The following VSTM4 variants were observed in gnomAD, a reference collection of about 807,000 sequenced individuals.
VSTM4 encodes the protein V-set and transmembrane domain containing 4.
A neutral mutation model predicts 36.4 loss-of-function variants in VSTM4; 20 were observed. The ratio of observed to expected loss-of-function variants is 0.55; its 90% CI spans 0.39 to 0.80. The LOEUF (loss-of-function observed/expected upper bound fraction) is 0.80, where lower values mean the gene tolerates loss of function less well. Ranked by LOEUF, VSTM4 falls within the 30% of genes least tolerant of loss-of-function variation. The pLI, the probability that VSTM4 is intolerant of heterozygous loss-of-function variation, is 0.00. For missense variants in VSTM4, 392 were observed against 404.5 expected, an observed-to-expected ratio of 0.97 and a Z score of 0.26; for synonymous variants, 182 against 173.9, an observed-to-expected ratio of 1.05 and a Z score of -0.37.
At chr10:49,073,210 C>T (rs1844114052) in intron 4 of VSTM4, among the ~76,000 whole-genome samples, 1 of 152,212 alleles carries the variant, frequency 6.6e-6, no homozygotes. Flanking sequence ...TGCCAATCTG[C>T]TTCTGGAACA....
intron 2 of VSTM4, among the ~76,000 whole-genome samples, chr10:49,093,716 G>A (rs1029106913): frequency 6.7e-6 from 1 of 149,520 alleles, no homozygotes; most frequent in Non-Finnish European, 1.5e-5. Context: ...AATCCTTCTT[G>A]GCCCATAGTT....
chr10:49,035,687 A>AAAAAAAGTT (rs1554829905), intron 7 of VSTM4, among the ~76,000 whole-genome samples: 18 of 150,902 alleles, frequency 1.2e-4, no homozygotes, highest in African/African-American at 4.2e-4. Flanking sequence ...AAAAAAAAAA[A>AAAAAAAGTT]AAAAGTTAGA....
chr10:49,037,994 C>T (rs971626718), intron 7 of VSTM4, among the ~76,000 whole-genome samples: 3 of 151,894 alleles, frequency 2.0e-5, no homozygotes, highest in Admixed American at 6.6e-5. Context: ...AATTGAAACC[C>T]TGTGTGCTCT....
At chr10:49,052,530 C>T (rs564970109) in intron 5 of VSTM4, among the ~76,000 whole-genome samples, 133 of 127,060 alleles carry the variant, frequency 1.0e-3, no homozygotes, top group Non-Finnish European at 1.9e-3. Flanking sequence ...GCAACTTTTA[C>T]ACCATTTGGA....
intron 7 of VSTM4, among the ~76,000 whole-genome samples, chr10:49,025,584 A>G (rs1843248390): frequency 6.6e-6 from 1 of 152,222 alleles, no homozygotes. Context: ...GGTTGCTGGC[A>G]GCCCACACAA....
chr10:49,075,737 A>G (rs771771428), intron 4 of VSTM4, among the ~76,000 whole-genome samples: 10 of 152,226 alleles, frequency 6.6e-5, no homozygotes, highest in Non-Finnish European at 1.2e-4. Context: ...ATTGTGGAGC[A>G]TGCTGGAGTT....
chr10:49,058,086 T>A (rs1359334063), intron 5 of VSTM4, among the ~76,000 whole-genome samples: 1 of 152,186 alleles, frequency 6.6e-6, no homozygotes, highest in Non-Finnish European at 1.5e-5. Flanking sequence ...GGGGCTGCAA[T>A]GTCTCTGCAG....
At chr10:49,088,943 T>G (rs1050490348) in intron 2 of VSTM4, among the ~76,000 whole-genome samples, 1 of 152,132 alleles carries the variant, frequency 6.6e-6, no homozygotes, top group Non-Finnish European at 1.5e-5. Context: ...ACCCGGGAGC[T>G]CCTCAGAAAT....
At chr10:49,078,580 G>C (rs149421186) in intron 3 of VSTM4, among the ~76,000 whole-genome samples, 108 of 151,332 alleles carry the variant, frequency 7.1e-4, no homozygotes, top group African/African-American at 2.5e-3. Context: ...CTTCATCAAT[G>C]TAACATTCTT....
At chr10:49,079,737 A>G (rs1406113138) in intron 3 of VSTM4, among the ~76,000 whole-genome samples, 2 of 152,198 alleles carry the variant, frequency 1.3e-5, no homozygotes, top group Non-Finnish European at 1.5e-5. Flanking sequence ...GGAGGCTGAG[A>G]GAAGCTTCCA....
At chr10:49,093,775 T>C (rs987085799) in intron 2 of VSTM4, among the ~76,000 whole-genome samples, 1 of 134,840 alleles carries the variant, frequency 7.4e-6, no homozygotes. Context: ...TGAGATGGAG[T>C]CTTGCTTCGT....
intron 3 of VSTM4, 47 bp downstream of exon 3, chr10:49,085,908 A>G (rs749744106): frequency 6.4e-6 from 8 of 1,259,644 alleles, no homozygotes; most frequent in South Asian, 1.4e-5. Flanking sequence ...AAAGAAAAAG[A>G]AAAAGCAACT....
rs1038591794 is a variant in VSTM4, at chr10:49,064,558, G to T, written c.668+145C>A. 11 of 904,226 alleles carry T rather than the reference G, an allele frequency of 1.2e-5. No individual in the cohort carries two copies. The Admixed American group carries it at 2.8e-4, about 23-fold the overall frequency. The allele number at this position is 904,226 out of a possible 1,614,324, so 56.0% of individuals were successfully genotyped here. On this transcript the variant is annotated intron_variant, in intron 5 of 7. Transcript: ENST00000332853. The stretch of plus-strand genomic sequence containing the variant: ...AGACCTTGGAAACATGCAAATGCAT[G>T]CAGGATACACATTTGCAGGCATATT...
intron 2 of VSTM4, among the ~76,000 whole-genome samples, chr10:49,100,960 A>G (rs1844655057): frequency 6.6e-6 from 1 of 152,122 alleles, no homozygotes; most frequent in South Asian, 2.1e-4. Flanking sequence ...TGTAGGGATA[A>G]CATTTTAGCC....
At chr10:49,071,730 TGCAGGTGCTGGAGA>T (rs1477725893) in intron 4 of VSTM4, among the ~76,000 whole-genome samples, 2 of 152,218 alleles carry the variant, frequency 1.3e-5, no homozygotes, top group Non-Finnish European at 1.5e-5. Flanking sequence ...CAGATGTTGC[TGCAGGTGCTGGAGA>T]GCAGGTGCCG....
At chr10:49,114,343 C>T (rs1303553556) in intron 1 of VSTM4, among the ~76,000 whole-genome samples, 1 of 152,202 alleles carries the variant, frequency 6.6e-6, no homozygotes, top group Non-Finnish European at 1.5e-5. Context: ...CCAGATCACT[C>T]TTGGAAAATG....
chr10:49,085,896 A>G (rs1844361313), intron 3 of VSTM4, 59 bp downstream of exon 3: 1 of 1,133,344 alleles, frequency 8.8e-7, no homozygotes, highest in South Asian at 1.5e-5. Flanking sequence ...TAATTTAAAA[A>G]AAAAGAAAAA....
intron 3 of VSTM4, among the ~76,000 whole-genome samples, chr10:49,078,654 G>A (rs1383691828): frequency 1.3e-5 from 2 of 152,196 alleles, no homozygotes; most frequent in Non-Finnish European, 2.9e-5. Context: ...GAAGGGGGTG[G>A]TGGTGAGAAG....
At chr10:49,110,799 C>A (rs1844879613) in intron 1 of VSTM4, among the ~76,000 whole-genome samples, 3 of 152,136 alleles carry the variant, frequency 2.0e-5, no homozygotes, top group South Asian at 4.1e-4. Flanking sequence ...CCTGCCAGCA[C>A]CTTGATTGGA....
Sources: allele counts gnomAD v4.1 joint callset (sites outside exome capture counted in the v4.1 genomes callset), GRCh38; gene constraint gnomAD v4.1.1; transcripts MANE v1.5; gene names NCBI Gene and HGNC (gene_info 2026-07-23, HGNC 2026-07-21).